The following NEXMIF variants were observed in gnomAD, a reference collection of about 807,000 sequenced individuals.
NEXMIF encodes the protein neurite extension and migration factor.
A neutral mutation model predicts 62.1 loss-of-function variants in NEXMIF; 8 were observed. The ratio of observed to expected loss-of-function variants is 0.13; its 90% CI spans 0.08 to 0.23. The LOEUF (loss-of-function observed/expected upper bound fraction) is 0.23. Among genes scored for constraint, NEXMIF ranks in the 10% least tolerant of loss-of-function variants. NEXMIF has a pLI of 1.00. For synonymous variants in NEXMIF, 404 were observed against 416.6 expected (o/e 0.97, Z 0.37); for missense variants, 976 against 1,113.3 (o/e 0.88, Z 1.75).
At chrX:74,789,267 T>A (rs1474406481) in intron 1 of NEXMIF, among the ~76,000 whole-genome samples, 1 of 106,537 alleles carries the variant, frequency 9.4e-6, no homozygotes, top group Non-Finnish European at 1.9e-5. Flanking sequence ...GAATGATGTT[T>A]TCCAATTTCA....
chrX:74,863,771 A>G (rs2080566845), intron 1 of NEXMIF, among the ~76,000 whole-genome samples: 1 of 112,339 alleles, frequency 8.9e-6, no homozygotes, highest in Admixed American at 9.4e-5. Context: ...TGAGGCCAGC[A>G]TCATCTTGAT....
At chrX:74,881,987 A>C (rs2080666534) in intron 1 of NEXMIF, among the ~76,000 whole-genome samples, 1 of 111,503 alleles carries the variant, frequency 9.0e-6, no homozygotes, top group Admixed American at 9.5e-5. Flanking sequence ...GTAGTGTTCA[A>C]ACACAAAGTG....
In NEXMIF at chrX:74,920,775, C is replaced by A. The variant is rs146958923; in HGVS notation, c.-48+4108G>T. Among the ~76,000 whole-genome samples the A allele has an allele frequency of 5.1e-3, 575 of 111,775 alleles. 3 individuals carry two copies. Among genetic ancestry groups the A allele is most frequent in the African/African-American group, 0.018 (551 of 30,745 alleles). On this transcript the variant is annotated intron_variant, in intron 1 of 3. Coordinates refer to ENST00000055682, the MANE Select transcript of NEXMIF (RefSeq NM_001008537.3). ...ATGGTTTTAGGTCTAACGTTTAAGTCTTTACACCTGTTCTTGACAGAGGAT... is the reference window on the plus strand; with the variant it reads ...ATGGTTTTAGGTCTAACGTTTAAGTATTTACACCTGTTCTTGACAGAGGAT...
intron 1 of NEXMIF, among the ~76,000 whole-genome samples, chrX:74,859,873 G>A (rs958226118): frequency 2.7e-5 from 3 of 110,795 alleles, no homozygotes; most frequent in Non-Finnish European, 3.8e-5. Flanking sequence ...CTCAAATCAA[G>A]TAACATATAA....
At chrX:74,794,854 C>T (rs1429727445) in intron 1 of NEXMIF, among the ~76,000 whole-genome samples, 1 of 111,614 alleles carries the variant, frequency 9.0e-6, no homozygotes, top group East Asian at 2.8e-4. Context: ...GTGCGCGCAC[C>T]CACTGACCTA....
At chrX:74,876,715 T>C (rs1326862660) in intron 1 of NEXMIF, among the ~76,000 whole-genome samples, 1 of 102,426 alleles carries the variant, frequency 9.8e-6, no homozygotes, top group Non-Finnish European at 2.0e-5. Context: ...TTAGCTCTTC[T>C]TGTTGAATTG....
chrX:74,742,747 T>C lies in NEXMIF; in HGVS notation c.1810A>G (p.Thr604Ala). Residue 604 changes from threonine to alanine, a missense_variant, in exon 3 of 4, where the codon ACA (threonine) becomes GCA (alanine). By Grantham distance (58) the Thr-to-Ala change is moderately conservative. This residue lies in a region of NEXMIF where 639 missense variants were observed against 694.5 expected (regional missense o/e 0.92). Transcript: ENST00000055682. ...AAGCTTTGCTTTTGGGAAAAAGGTG[T>C]CTTGATGGAGTCCGTGTTGGTGTTT... ...QRNTNTDSIK[T>A]PFSQKQSFEP... 2 of 1,210,914 alleles carry C rather than the reference T, an allele frequency of 1.7e-6. No homozygotes were observed. Among genetic ancestry groups the C allele is most frequent in the Non-Finnish European group, 2.2e-6 (2 of 895,184 alleles).
intron 1 of NEXMIF, among the ~76,000 whole-genome samples, chrX:74,796,852 G>C (rs1478866976): frequency 8.9e-6 from 1 of 111,779 alleles, no homozygotes; most frequent in Non-Finnish European, 1.9e-5. Context: ...CCCTTTCAAG[G>C]AGGTAGAGCT....
chrX:74,754,746 A>C (rs1270218795), intron 1 of NEXMIF, among the ~76,000 whole-genome samples: 1 of 112,187 alleles, frequency 8.9e-6, no homozygotes, highest in African/African-American at 3.2e-5. Flanking sequence ...ACTATATTTC[A>C]GAACCCCTAA....
intron 1 of NEXMIF, among the ~76,000 whole-genome samples, chrX:74,820,716 G>A (rs1249782465): frequency 8.9e-6 from 1 of 111,812 alleles, no homozygotes; most frequent in East Asian, 2.8e-4. Flanking sequence ...GGATGCAGCT[G>A]GAGGCCATTA....
intron 1 of NEXMIF, among the ~76,000 whole-genome samples, chrX:74,870,028 A>G (rs915097527): frequency 8.9e-6 from 1 of 111,755 alleles, no homozygotes; most frequent in African/African-American, 3.2e-5. Flanking sequence ...CTGAGCAAAA[A>G]GAACAAATCT....
chrX:74,804,046 C>T (rs765290975), intron 1 of NEXMIF, among the ~76,000 whole-genome samples: 2 of 111,738 alleles, frequency 1.8e-5, no homozygotes, highest in South Asian at 7.5e-4. Context: ...GTGTAAATTA[C>T]TATTAAGTAG....
At chrX:74,792,510 G>T (rs2080288021) in intron 1 of NEXMIF, among the ~76,000 whole-genome samples, 1 of 105,166 alleles carries the variant, frequency 9.5e-6, no homozygotes, top group African/African-American at 3.5e-5. Flanking sequence ...GCACAGCTGA[G>T]TTCAATTCCT....
chrX:74,821,056 T>A, intron 1 of NEXMIF, among the ~76,000 whole-genome samples: 1 of 110,979 alleles, frequency 9.0e-6, no homozygotes, highest in Non-Finnish European at 1.9e-5. Context: ...AATAAGTAAT[T>A]TTTTTTGCAG....
intron 1 of NEXMIF, among the ~76,000 whole-genome samples, chrX:74,873,608 C>T (rs866898354): frequency 2.7e-5 from 3 of 111,770 alleles, no homozygotes; most frequent in Middle Eastern, 4.6e-3. Context: ...GTCCCACCAA[C>T]AGTGTAAAAG....
At chrX:74,884,915 A>G (rs2080684478) in intron 1 of NEXMIF, among the ~76,000 whole-genome samples, 1 of 111,655 alleles carries the variant, frequency 9.0e-6, no homozygotes, top group Admixed American at 9.5e-5. Context: ...TCCTCAGCAA[A>G]TGTAAAAGAA....
At chrX:74,903,555 G>A (rs141643913) in intron 1 of NEXMIF, among the ~76,000 whole-genome samples, 1 of 111,766 alleles carries the variant, frequency 8.9e-6, no homozygotes, top group African/African-American at 3.3e-5. Flanking sequence ...ATCAAAGGTG[G>A]CAAGGGCAAG....
intron 1 of NEXMIF, among the ~76,000 whole-genome samples, chrX:74,763,370 C>G (rs982302477): frequency 9.0e-6 from 1 of 111,686 alleles, no homozygotes; most frequent in Non-Finnish European, 1.9e-5. Context: ...GTTACTATAG[C>G]CTTGTAGTAT....
intron 1 of NEXMIF, among the ~76,000 whole-genome samples, chrX:74,844,489 C>A (rs1316754104): frequency 9.0e-6 from 1 of 111,403 alleles, no homozygotes; most frequent in Non-Finnish European, 1.9e-5. Flanking sequence ...ACTCCTTGCA[C>A]CACCATTTAC....
Sources: gnomAD v4.1 joint callset for allele counts (sites outside exome capture counted in the v4.1 genomes callset) on GRCh38, gnomAD v4.1.1 for gene constraint, gnomAD v4.1.1 regional missense constraint, MANE v1.5 for transcripts, NCBI Gene and HGNC (gene_info 2026-07-23, HGNC 2026-07-21) for gene names.